The following ZNF765 variants were observed in gnomAD, a reference collection of about 807,000 sequenced individuals.
ZNF765 encodes zinc finger protein 765.
ZNF765 carries 37 observed loss-of-function variants against 44.7 expected under a neutral mutation model. That is an observed-to-expected ratio of 0.83 (90% confidence interval 0.64 to 1.09). ZNF765 has a LOEUF of 1.09. Ranked by LOEUF, ZNF765 falls within the 50% of genes least tolerant of loss-of-function variation. The probability of loss-of-function intolerance (pLI) is 0.00; values close to 1 mark genes in which losing one functional copy is unlikely to be tolerated. For synonymous variants in ZNF765, 201 were observed against 213.7 expected, an observed-to-expected ratio of 0.94 and a Z score of 0.52; for missense variants, 594 against 626.1, an observed-to-expected ratio of 0.95 and a Z score of 0.55.
intron 2 of ZNF765, 179 bp from the exon 3 acceptor site, chr19:53,401,886 A>G (rs2147091266): frequency 6.5e-7 from 1 of 1,541,296 alleles, no homozygotes; most frequent in Non-Finnish European, 8.8e-7. Context: ...TAAAAAAAAA[A>G]AAAAGAACTT....
chr19:53,409,868 A>G lies in ZNF765; in HGVS notation c.*741A>G, dbSNP rs2085817389. 4 of 657,410 alleles carry G rather than the reference A, an allele frequency of 6.1e-6. No homozygotes were observed. The highest frequency in any genetic ancestry group is 5.6e-5 in the South Asian group (4 of 71,948). The allele number at this position is 657,410 out of a possible 1,614,324, so 40.7% of individuals were successfully genotyped here. A position where few individuals can be genotyped will look rare whatever the true frequency, so the allele number is the denominator to read the frequency against. ...ACTTCATACTGGAGAGGTACCTTAC[A>G]AGGATAATGAGTGTAGAAAAACCTT... On this transcript the variant is annotated 3_prime_UTR_variant, in exon 4 of 4. Coordinates refer to ENST00000396408, the MANE Select transcript of ZNF765 (RefSeq NM_001040185.3).
chr19:53,407,102 C>A (rs2085782604), intron 3 of ZNF765, among the ~76,000 whole-genome samples: 1 of 152,018 alleles, frequency 6.6e-6, no homozygotes. Flanking sequence ...ACCTTTGCCT[C>A]TTGGGTTCAA....
rs769284135 is a variant in ZNF765 at position 53,408,601 on chromosome 19, A to G, written c.1046A>G (p.His349Arg). Residue 349 changes from histidine (H) to arginine (R), a missense_variant, in exon 4 of 4, where the codon CAT (histidine) becomes CGT (arginine). By Grantham distance (29) the His-to-Arg change is conservative (BLOSUM62 0). Coordinates refer to ENST00000396408, the MANE Select transcript of ZNF765 (RefSeq NM_001040185.3). Reference protein sequence around the residue: ...KSYLTCHRRLHTGEKPYKCNE... With the variant: ...KSYLTCHRRLRTGEKPYKCNE... The stretch of plus-strand genomic sequence containing the variant: ...TACCTTACATGCCATCGTAGGCTTC[A>G]TACTGGAGAGAAACCTTACAAGTGT... 6.2e-7 allele frequency: 1 copy of G among 1,613,974 alleles called. No homozygotes were observed. The highest frequency in any genetic ancestry group is 8.5e-7 in the Non-Finnish European group (1 of 1,179,890).
At chr19:53,399,721 G>A (rs1380534658) in intron 2 of ZNF765, among the ~76,000 whole-genome samples, 2 of 151,856 alleles carry the variant, frequency 1.3e-5, no homozygotes, top group East Asian at 1.9e-4. Context: ...CATATGTTCC[G>A]GTTTCTTACA....
chr19:53,395,390 G>T (rs1316835812), intron 1 of ZNF765, among the ~76,000 whole-genome samples, 197 bp downstream of exon 1: 1 of 152,176 alleles, frequency 6.6e-6, no homozygotes, highest in Non-Finnish European at 1.5e-5. Context: ...GTCCCGTCCC[G>T]GGTGTTTCTG....
chr19:53,395,767 C>G (rs1236429878), intron 1 of ZNF765, among the ~76,000 whole-genome samples: 1 of 152,200 alleles, frequency 6.6e-6, no homozygotes, highest in Non-Finnish European at 1.5e-5. Flanking sequence ...GGTGTTCTTG[C>G]CTGCCCAGCT....
In ZNF765 at chr19:53,408,122, T is replaced by C; in HGVS notation, c.567T>C (p.Ser189=). The part of the protein sequence containing the change: ...RISCRPETHI[S]NDYGNNFLNS... ...CTTGTAGGCCTGAAACCCATATTTC[T>C]AATGACTATGGGAATAATTTCCTGA... The change falls in exon 4 of 4, where the codon TCT becomes TCC. Residue 189 remains serine, a synonymous_variant. Coordinates refer to ENST00000396408, the MANE Select transcript of ZNF765 (RefSeq NM_001040185.3). The C allele has an allele frequency of 6.2e-7, 1 of 1,614,084 alleles. No individual in the cohort carries two copies. Among genetic ancestry groups the C allele is most frequent in the Non-Finnish European group, 8.5e-7 (1 of 1,179,956 alleles).
At chr19:53,403,617 G>A (rs1409464447) in intron 3 of ZNF765, among the ~76,000 whole-genome samples, 2 of 152,212 alleles carry the variant, frequency 1.3e-5, no homozygotes, top group Non-Finnish European at 2.9e-5. Context: ...GCCGAGGCAG[G>A]CAAATCACCT....
At position 53,408,674 on chromosome 19, in the gene ZNF765, T is replaced by A; in HGVS notation, c.1119T>A (p.His373Gln). 6.2e-7 allele frequency: 1 copy of A among 1,613,366 alleles called. No homozygotes were observed. Among genetic ancestry groups the A allele is most frequent in the Non-Finnish European group, 8.5e-7 (1 of 1,179,610 alleles). ...TFSRKSHFTC[H>Q]HRVHTGEKPY... ...GTCGGAAGTCACATTTTACATGCCA[T>A]CATAGAGTTCATACTGGAGAGAAAC... Residue 373 changes from histidine to glutamine, a missense_variant, in exon 4 of 4, where the codon CAT (histidine) becomes CAA (glutamine). By Grantham distance (24) the His-to-Gln change is conservative. Coordinates refer to ENST00000396408, the MANE Select transcript of ZNF765 (RefSeq NM_001040185.3).
intron 3 of ZNF765, among the ~76,000 whole-genome samples, chr19:53,419,993 C>T (rs570324891): frequency 6.6e-6 from 1 of 151,720 alleles, no homozygotes; most frequent in Non-Finnish European, 1.5e-5. Context: ...TGCACTCCAG[C>T]CTGGGCAACA....
At chr19:53,405,667 G>A (rs1259782031) in intron 3 of ZNF765, among the ~76,000 whole-genome samples, 1 of 149,738 alleles carries the variant, frequency 6.7e-6, no homozygotes, top group African/African-American at 2.5e-5. Flanking sequence ...CAACACCCAT[G>A]ACCAAATTGT....
chr19:53,407,020 A>G (rs1475144484), intron 3 of ZNF765, among the ~76,000 whole-genome samples: 2 of 151,464 alleles, frequency 1.3e-5, no homozygotes, highest in Non-Finnish European at 2.9e-5. Flanking sequence ...TTGTATTAAC[A>G]TTTTTTTTCA....
chr19:53,406,650 C>A (rs935086732), intron 3 of ZNF765, among the ~76,000 whole-genome samples: 1 of 152,218 alleles, frequency 6.6e-6, no homozygotes, highest in African/African-American at 2.4e-5. Context: ...TGCTGTGGCT[C>A]ACGCCTGCAA....
chr19:53,410,642 A>G lies in ZNF765; in HGVS notation c.*1515A>G. ...AGTTACACTACAACCATTGCGAATC[A>G]TTGGAGAATCCATAATGAAGAGAGA... On this transcript the variant is annotated 3_prime_UTR_variant, in exon 4 of 4. Coordinates refer to ENST00000396408, the MANE Select transcript of ZNF765 (RefSeq NM_001040185.3). 1 of 482,624 alleles carries G rather than the reference A, an allele frequency of 2.1e-6. No individual in the cohort carries two copies. Among genetic ancestry groups the G allele is most frequent in the Admixed American group, 2.3e-5 (1 of 43,302 alleles). 29.9% of individuals were successfully genotyped at this position (482,624 alleles called of 1,614,324 possible).
In ZNF765 at chr19:53,408,091, G is replaced by T. The variant is rs377536824; in HGVS notation, c.536G>T (p.Arg179Ile). Residue 179 changes from arginine (R) to isoleucine (I), a missense_variant, in exon 4 of 4, where the codon AGA becomes ATA. Arg to Ile is a moderately conservative substitution (Grantham distance 97). Transcript: ENST00000396408. ...GCTTCCTTGGTTTCAACAGCCCAAA[G>T]AATTTCTTGTAGGCCTGAAACCCAT... ...HDASLVSTAQ[R>I]ISCRPETHIS... is the part of the protein sequence containing the mutation. The T allele has an allele frequency of 5.0e-6, 8 of 1,613,994 alleles. No homozygotes were observed. The highest frequency in any genetic ancestry group is 6.8e-6 in the Non-Finnish European group (8 of 1,180,022).
At chr19:53,414,240 C>CAA (rs754534125), downstream of ZNF765, among the ~76,000 whole-genome samples, 22 of 77,992 alleles carry the variant, frequency 2.8e-4, 6 homozygotes, top group East Asian at 7.3e-4. Flanking sequence ...GACTCCATCT[C>CAA]AAAAAAAAAA....
At chr19:53,404,114 G>C (rs1389556149) in intron 3 of ZNF765, among the ~76,000 whole-genome samples, 1 of 152,158 alleles carries the variant, frequency 6.6e-6, no homozygotes, top group South Asian at 2.1e-4. Flanking sequence ...TTTTGTTCTT[G>C]TCGCCCATGC....
intron 2 of ZNF765, among the ~76,000 whole-genome samples, chr19:53,399,770 A>C (rs1374123035): frequency 6.6e-6 from 1 of 151,758 alleles, no homozygotes; most frequent in Non-Finnish European, 1.5e-5. Context: ...TGTTCAGGTT[A>C]TTTCATCACT....
intron 3 of ZNF765, among the ~76,000 whole-genome samples, chr19:53,420,923 C>T (rs2085903057): frequency 6.6e-6 from 1 of 152,052 alleles, no homozygotes; most frequent in South Asian, 2.1e-4. Context: ...AAGGGAAAGA[C>T]CCCTACCCCG....
Sources: gnomAD v4.1 joint callset for allele counts (sites outside exome capture counted in the v4.1 genomes callset) on GRCh38, gnomAD v4.1.1 for gene constraint, MANE v1.5 for transcripts, NCBI Gene and HGNC (gene_info 2026-07-23, HGNC 2026-07-21) for gene names.